Variants in SLIT3 observed in about 807,000 individuals in gnomAD.
SLIT3 encodes slit homolog 3 protein.
In SLIT3, 68 loss-of-function variants were observed where a neutral mutation model predicts 184.0. The observed-to-expected ratio is 0.37, with a 90% CI of 0.30 to 0.45. The LOEUF (loss-of-function observed/expected upper bound fraction) is 0.45, where lower values mean the gene tolerates loss of function less well. SLIT3 is among the 20% of genes least tolerant of loss of function. The pLI is 1.00. For synonymous variants in SLIT3, 831 were observed against 828.6 expected (o/e 1.00, Z -0.05); for missense variants, 1,707 against 2,026.0 (o/e 0.84, Z 3.02).
chr5:169,207,783 T>C (rs1764124399), intron 3 of SLIT3, among the ~76,000 whole-genome samples: 1 of 152,162 alleles, frequency 6.6e-6, no homozygotes, highest in East Asian at 1.9e-4. Flanking sequence ...GGTGGGACCT[T>C]TGGGCGGTGA....
intron 4 of SLIT3, among the ~76,000 whole-genome samples, chr5:168,932,719 T>C (rs1415900892): frequency 6.6e-6 from 1 of 152,232 alleles, no homozygotes; most frequent in Non-Finnish European, 1.5e-5. Context: ...CCTCATAGTT[T>C]GTTTCCACAT....
intron 20 of SLIT3, among the ~76,000 whole-genome samples, chr5:168,745,414 A>AG: frequency 6.6e-6 from 1 of 151,934 alleles, no homozygotes; most frequent in African/African-American, 2.4e-5. Flanking sequence ...GACTGACTCC[A>AG]ATTTTTTTTT....
intron 4 of SLIT3, among the ~76,000 whole-genome samples, chr5:169,047,007 G>A (rs1336174710): frequency 6.6e-6 from 1 of 152,076 alleles, no homozygotes. Context: ...TGACATTATT[G>A]TTACTGTCAA....
intron 16 of SLIT3, among the ~76,000 whole-genome samples, chr5:168,756,367 GA>G (rs1754946908): frequency 6.6e-6 from 1 of 152,222 alleles, no homozygotes; most frequent in Non-Finnish European, 1.5e-5. Flanking sequence ...TCTTCCCAAG[GA>G]GGGACCAGGC....
At chr5:168,828,405 A>C (rs1029407587) in intron 6 of SLIT3, among the ~76,000 whole-genome samples, 3 of 152,094 alleles carry the variant, frequency 2.0e-5, no homozygotes, top group Admixed American at 2.0e-4. Flanking sequence ...CCACAGCGGG[A>C]GGACTGCTTG....
intron 3 of SLIT3, among the ~76,000 whole-genome samples, chr5:169,225,782 G>A (rs778998554): frequency 6.6e-6 from 1 of 152,310 alleles, no homozygotes; most frequent in South Asian, 2.1e-4. Flanking sequence ...AGGGAGGCAG[G>A]GGCCAGGGGC....
chr5:168,936,842 G>C (rs1479366280), intron 4 of SLIT3, among the ~76,000 whole-genome samples: 7 of 152,234 alleles, frequency 4.6e-5, no homozygotes, highest in African/African-American at 1.4e-4. Flanking sequence ...CTAGGTGCTT[G>C]TCTCATCCTA....
chr5:168,670,074 C>T (rs1761190340), intron 34 of SLIT3, 83 bp from the exon 35 acceptor site: 5 of 1,163,524 alleles, frequency 4.3e-6, no homozygotes, highest in Non-Finnish European at 5.1e-6. Context: ...CAGCCAGGGA[C>T]CAGGGGACCC....
chr5:169,031,347 A>T (rs971044107), intron 4 of SLIT3, among the ~76,000 whole-genome samples: 3 of 152,212 alleles, frequency 2.0e-5, no homozygotes, highest in South Asian at 2.1e-4. Flanking sequence ...GAAAAAAAAT[A>T]TGGAGGTGAT....
At chr5:169,126,648 C>CACGACA (rs1225457516) in intron 4 of SLIT3, among the ~76,000 whole-genome samples, 2 of 152,202 alleles carry the variant, frequency 1.3e-5, no homozygotes, top group Non-Finnish European at 2.9e-5. Flanking sequence ...GCTCCCTTGA[C>CACGACA]ACGACAACAT....
chr5:168,896,708 CTG>C (rs951429578), intron 4 of SLIT3, among the ~76,000 whole-genome samples: 3 of 152,174 alleles, frequency 2.0e-5, no homozygotes, highest in African/African-American at 7.2e-5. Context: ...AAATGGTTGA[CTG>C]TGCAGCAATT....
chr5:168,992,586 G>A (rs1050753483), intron 4 of SLIT3, among the ~76,000 whole-genome samples: 1 of 152,174 alleles, frequency 6.6e-6, no homozygotes, highest in African/African-American at 2.4e-5. Flanking sequence ...CAGAACCACA[G>A]CATAAAAATG....
At chr5:168,688,552 G>C (rs749290640) in intron 29 of SLIT3, among the ~76,000 whole-genome samples, 11 of 152,182 alleles carry the variant, frequency 7.2e-5, no homozygotes, top group Middle Eastern at 3.2e-3. Flanking sequence ...AGACACGGAG[G>C]GGGTGATGTG....
intron 1 of SLIT3, among the ~76,000 whole-genome samples, chr5:169,259,144 C>T (rs1289713763): frequency 6.6e-6 from 1 of 152,182 alleles, no homozygotes; most frequent in Non-Finnish European, 1.5e-5. Flanking sequence ...TCAATCTCAC[C>T]TCACTGCAAC....
At chr5:168,907,941 C>G (rs1223094352) in intron 4 of SLIT3, among the ~76,000 whole-genome samples, 4 of 43,460 alleles carry the variant, frequency 9.2e-5, no homozygotes, top group Non-Finnish European at 1.4e-4. Context: ...ATATATTATA[C>G]GTGTATATAT....
chr5:168,919,164 G>A (rs1761543636), intron 4 of SLIT3, among the ~76,000 whole-genome samples: 1 of 151,550 alleles, frequency 6.6e-6, no homozygotes, highest in Admixed American at 6.6e-5. Flanking sequence ...AGAGGCTGAG[G>A]CAAGAGAATG....
chr5:168,751,728 CTT>C (rs373074911), intron 18 of SLIT3, among the ~76,000 whole-genome samples: 26,652 of 143,616 alleles, frequency 0.19, 2,561 homozygotes, highest in Admixed American at 0.32. Flanking sequence ...CCAGTGACAT[CTT>C]TTTTTTTTTT....
chr5:169,266,788 T>A, intron 1 of SLIT3, among the ~76,000 whole-genome samples: 1 of 152,198 alleles, frequency 6.6e-6, no homozygotes, highest in East Asian at 1.9e-4. Context: ...GCATCCATGA[T>A]CTTCATCCAT....
At chr5:168,865,245 G>A (rs919809892) in intron 5 of SLIT3, among the ~76,000 whole-genome samples, 1 of 151,290 alleles carries the variant, frequency 6.6e-6, no homozygotes, top group African/African-American at 2.4e-5. Context: ...ATTTACGTGA[G>A]GGAAATGAAA....
Sources: gnomAD v4.1 joint callset for allele counts (sites outside exome capture counted in the v4.1 genomes callset) on GRCh38, gnomAD v4.1.1 for gene constraint, MANE v1.5 for transcripts, NCBI Gene and HGNC (gene_info 2026-07-23, HGNC 2026-07-21) for gene names.